Variants in SMOC1 observed in about 807,000 individuals in gnomAD.
SMOC1 encodes SPARC-related modular calcium-binding protein 1.
In SMOC1, 22 loss-of-function variants were observed where a neutral mutation model predicts 56.3. The observed-to-expected ratio is 0.39, with a 90% CI of 0.28 to 0.56. The LOEUF is 0.56. SMOC1 is among the 20% of genes least tolerant of loss of function. The probability of loss-of-function intolerance (pLI) is 0.61; values close to 1 mark genes in which losing one functional copy is unlikely to be tolerated. For missense variants in SMOC1, 509 were observed against 565.4 expected (o/e 0.90, Z 1.01); for synonymous variants, 193 against 215.0 (o/e 0.90, Z 0.89).
At chr14:69,948,477 C>T (rs1882872596) in intron 1 of SMOC1, among the ~76,000 whole-genome samples, 1 of 152,270 alleles carries the variant, frequency 6.6e-6, no homozygotes, top group Middle Eastern at 3.4e-3. Flanking sequence ...CAGAGTGTTC[C>T]CCTTGTTAGG....
At chr14:69,990,033 C>T (rs1884505997) in intron 5 of SMOC1, among the ~76,000 whole-genome samples, 1 of 152,234 alleles carries the variant, frequency 6.6e-6, no homozygotes. Flanking sequence ...GGCAGAGCAG[C>T]TGTATCTCTT....
At chr14:69,929,234 C>T (rs1054392427) in intron 1 of SMOC1, among the ~76,000 whole-genome samples, 5 of 152,146 alleles carry the variant, frequency 3.3e-5, no homozygotes, top group African/African-American at 1.2e-4. Flanking sequence ...CCTTCCATTC[C>T]CTACTCCATC....
chr14:69,881,907 A>G (rs972633115), intron 1 of SMOC1, among the ~76,000 whole-genome samples: 7 of 152,308 alleles, frequency 4.6e-5, no homozygotes, highest in African/African-American at 1.4e-4. Context: ...AGGGTGGCCA[A>G]TCGACTTGCC....
intron 5 of SMOC1, among the ~76,000 whole-genome samples, chr14:69,978,842 T>C (rs1163824000): frequency 6.6e-6 from 1 of 152,158 alleles, no homozygotes; most frequent in Non-Finnish European, 1.5e-5. Context: ...GAGGGCTGTT[T>C]ATTGGACAAG....
intron 1 of SMOC1, among the ~76,000 whole-genome samples, chr14:69,887,267 AG>A (rs144871792): frequency 0.059 from 8,977 of 152,318 alleles, 340 homozygotes; most frequent in Non-Finnish European, 0.087. Context: ...AAAAGTTTTT[AG>A]GACTACATAC....
At chr14:69,973,076 A>G (rs911474031) in intron 3 of SMOC1, among the ~76,000 whole-genome samples, 2 of 152,248 alleles carry the variant, frequency 1.3e-5, no homozygotes, top group African/African-American at 2.4e-5. Flanking sequence ...AGGAGAGAGC[A>G]GCCTGCCAGG....
chr14:69,888,710 A>C (rs1883878492), intron 1 of SMOC1, among the ~76,000 whole-genome samples: 1 of 152,202 alleles, frequency 6.6e-6, no homozygotes. Flanking sequence ...GTGGAGAAAA[A>C]TTGGACCTGC....
chr14:70,006,260 AT>A (rs1440915885), intron 7 of SMOC1, among the ~76,000 whole-genome samples: 1 of 152,198 alleles, frequency 6.6e-6, no homozygotes, highest in Non-Finnish European at 1.5e-5. Flanking sequence ...GAAGAACACT[AT>A]TTTAGAGGCT....
chr14:69,933,807 C>T (rs114726626), intron 1 of SMOC1, among the ~76,000 whole-genome samples: 2,060 of 152,312 alleles, frequency 0.014, 31 homozygotes, highest in African/African-American at 0.039. Flanking sequence ...CATGAGCCAT[C>T]GCGCCTGGCC....
intron 5 of SMOC1, among the ~76,000 whole-genome samples, chr14:69,984,801 G>C (rs1347498466): frequency 6.6e-6 from 1 of 151,486 alleles, no homozygotes; most frequent in Admixed American, 6.6e-5. Context: ...AGGTTGCAGT[G>C]AGCCGAGATC....
chr14:70,027,985 C>T (rs934128302), intron 11 of SMOC1, among the ~76,000 whole-genome samples: 4 of 152,156 alleles, frequency 2.6e-5, no homozygotes, highest in Admixed American at 6.5e-5. Context: ...CATCCCGTGT[C>T]GTGCGGTGCC....
intron 1 of SMOC1, among the ~76,000 whole-genome samples, chr14:69,947,227 G>C (rs1205063358): frequency 6.6e-6 from 1 of 151,084 alleles, no homozygotes; most frequent in African/African-American, 2.4e-5. Flanking sequence ...CTGGAGTACA[G>C]TGGTACCATC....
rs1886096921 is a variant in SMOC1, at chr14:70,030,312, C to T, written c.*54C>T. The stretch of plus-strand genomic sequence containing the variant: ...AGTCCAGGGAGGCAGGATGGATCAC[C>T]AGACACCTAACCTTCAGCGTTGCCC... On this transcript the variant is annotated 3_prime_UTR_variant, in exon 12 of 12. Coordinates refer to ENST00000361956, the MANE Select transcript of SMOC1 (RefSeq NM_001034852.3). The T allele has an allele frequency of 1.9e-6, 3 of 1,610,010 alleles. No homozygotes were observed. The highest frequency in any genetic ancestry group is 2.7e-5 in the African/African-American group (2 of 74,534).
At chr14:69,979,355 T>C (rs923528961) in intron 5 of SMOC1, among the ~76,000 whole-genome samples, 4 of 151,996 alleles carry the variant, frequency 2.6e-5, no homozygotes, top group Non-Finnish European at 5.9e-5. Context: ...CAGGGACCAA[T>C]GGGCCAGATG....
At chr14:69,993,788 C>G (rs566360580) in intron 6 of SMOC1, among the ~76,000 whole-genome samples, 2 of 152,218 alleles carry the variant, frequency 1.3e-5, no homozygotes, top group African/African-American at 4.8e-5. Flanking sequence ...TCCCCAATAC[C>G]CTCATTGAAG....
At chr14:69,978,821 G>A (rs533910457) in intron 5 of SMOC1, among the ~76,000 whole-genome samples, 5 of 152,190 alleles carry the variant, frequency 3.3e-5, no homozygotes, top group African/African-American at 1.2e-4. Context: ...TGACGTAGCT[G>A]GCATCTGTCT....
chr14:69,919,986 G>A (rs918922984), intron 1 of SMOC1, among the ~76,000 whole-genome samples: 2 of 147,506 alleles, frequency 1.4e-5, no homozygotes, highest in African/African-American at 5.0e-5. Flanking sequence ...GTAAGTGCCT[G>A]CCATCATCCA....
intron 3 of SMOC1, among the ~76,000 whole-genome samples, chr14:69,968,202 T>G (rs1048661236): frequency 6.6e-6 from 1 of 152,200 alleles, no homozygotes; most frequent in African/African-American, 2.4e-5. Flanking sequence ...GGTGGGATGC[T>G]CCTTTGACAC....
At chr14:69,886,599 A>G (rs1883816564) in intron 1 of SMOC1, among the ~76,000 whole-genome samples, 1 of 152,212 alleles carries the variant, frequency 6.6e-6, no homozygotes, top group African/African-American at 2.4e-5. Context: ...AACTGGCTTT[A>G]TAGCTCCTCC....
Sources: gnomAD v4.1 joint callset for allele counts (sites outside exome capture counted in the v4.1 genomes callset) on GRCh38, gnomAD v4.1.1 for gene constraint, MANE v1.5 for transcripts, NCBI Gene and HGNC (gene_info 2026-07-23, HGNC 2026-07-21) for gene names.